Variants in ANKRD17 observed in about 807,000 individuals in gnomAD.
ANKRD17 encodes ankyrin repeat domain 17.
A neutral mutation model predicts 229.7 loss-of-function variants in ANKRD17; 19 were observed. That is an observed-to-expected ratio of 0.08 (90% CI 0.06 to 0.12). The LOEUF is 0.12. Ranked by LOEUF, ANKRD17 falls within the 10% of genes least tolerant of loss-of-function variation. ANKRD17 has a pLI of 1.00. For missense variants in ANKRD17, 2,176 were observed against 3,176.8 expected (o/e 0.68, Z 7.57); for synonymous variants, 1,112 against 1,146.1 (o/e 0.97, Z 0.60).
At chr4:73,137,967 TATTATATAAAAA>T (rs1397612305) in intron 15 of ANKRD17, among the ~76,000 whole-genome samples, 1 of 152,176 alleles carries the variant, frequency 6.6e-6, no homozygotes, top group Non-Finnish European at 1.5e-5. Flanking sequence ...TAAACTCTGA[TATTATATAAAAA>T]AAATTTTTTT....
chr4:73,083,194 A>G (rs1250365941), intron 30 of ANKRD17, among the ~76,000 whole-genome samples: 6 of 152,228 alleles, frequency 3.9e-5, no homozygotes, highest in Admixed American at 2.6e-4. Context: ...ATCAAATGCA[A>G]TATGTGAGCC....
Position 73,120,957 on chromosome 4 carries a change from A to G in ANKRD17, c.3773T>C (p.Leu1258Ser). ...IETNRNTALT[L>S]ACFQGRTEVV... ...TTCAGTTCTTCCTTGGAAGCAGGCT[A>G]AAGTAAGGGCAGTGTTCCGATTGGT... Residue 1258 changes from leucine to serine, a missense_variant, in exon 20 of 34, where the codon TTA (leucine) becomes TCA (serine). Physicochemically the swap from Leu to Ser is moderately radical, Grantham distance 145. Coordinates refer to ENST00000358602, the MANE Select transcript of ANKRD17 (RefSeq NM_032217.5). 1 of 1,613,622 alleles carries G rather than the reference A, an allele frequency of 6.2e-7. No individual in the cohort carries two copies. The highest frequency in any genetic ancestry group is 8.5e-7 in the Non-Finnish European group (1 of 1,179,838).
intron 12 of ANKRD17, 36 bp from the exon 13 acceptor site, chr4:73,142,421 AG>A (rs756936949): frequency 7.6e-6 from 12 of 1,582,688 alleles, no homozygotes; most frequent in Non-Finnish European, 1.0e-5. Context: ...AAAAAAGTGA[AG>A]AAAAATAAGT....
At chr4:73,129,402 A>G (rs776357550) in intron 16 of ANKRD17, among the ~76,000 whole-genome samples, 3 of 152,222 alleles carry the variant, frequency 2.0e-5, no homozygotes, top group African/African-American at 4.8e-5. Flanking sequence ...ATTCAGGTGA[A>G]AAAGCACTGA....
At chr4:73,101,973 C>T (rs1244569379) in intron 25 of ANKRD17, among the ~76,000 whole-genome samples, 2 of 152,086 alleles carry the variant, frequency 1.3e-5, no homozygotes, top group African/African-American at 4.8e-5. Flanking sequence ...CTCTGTCACC[C>T]AGGCTGGAGT....
intron 27 of ANKRD17, among the ~76,000 whole-genome samples, chr4:73,094,811 C>T (rs567062937): frequency 6.6e-6 from 1 of 151,886 alleles, no homozygotes; most frequent in East Asian, 1.9e-4. Context: ...TTCTTGTGGG[C>T]CCCTTTTGGT....
intron 1 of ANKRD17, among the ~76,000 whole-genome samples, chr4:73,180,474 C>A (rs1044062632): frequency 1.2e-4 from 19 of 152,244 alleles, no homozygotes; most frequent in Admixed American, 1.1e-3. Context: ...AGGAAAATTG[C>A]ATTTCCATCT....
intron 11 of ANKRD17, among the ~76,000 whole-genome samples, chr4:73,144,465 A>G (rs1484718952): frequency 6.6e-6 from 1 of 152,206 alleles, no homozygotes; most frequent in African/African-American, 2.4e-5. Context: ...AACACAGCAG[A>G]GTTTGTTACC....
intron 1 of ANKRD17, among the ~76,000 whole-genome samples, chr4:73,217,351 C>T (rs1227908853): frequency 6.6e-6 from 1 of 152,050 alleles, no homozygotes; most frequent in Non-Finnish European, 1.5e-5. Context: ...TACTACTTCC[C>T]CATTAATTCT....
At position 73,135,168 on chromosome 4, in the gene ANKRD17, G is replaced by A; in HGVS notation, c.3183C>T (p.Ile1061=). 1 of 1,613,920 alleles carries A rather than the reference G, an allele frequency of 6.2e-7. No individual in the cohort carries two copies. The highest frequency in any genetic ancestry group is 1.1e-5 in the South Asian group (1 of 91,076). ...AGATAGGAAGCATGGCTGAAGGAGA[G>A]ATGATAGGACTTGGAGTTGGAGTCT... is the stretch of plus-strand genomic sequence containing the variant. ...QPQTPTPSPI[I]SPSAMLPIYP... Residue 1061 remains isoleucine (I), a synonymous_variant, in exon 16 of 34, where the codon ATC becomes ATT. Coordinates refer to ENST00000358602, the MANE Select transcript of ANKRD17 (RefSeq NM_032217.5).
intron 11 of ANKRD17, among the ~76,000 whole-genome samples, chr4:73,142,999 G>A (rs377176775): frequency 3.6e-4 from 54 of 151,948 alleles, no homozygotes; most frequent in African/African-American, 1.3e-3. Context: ...AGACAAACAC[G>A]ATATAATTTG....
Position 73,146,873 on chromosome 4 carries a change from C to A in ANKRD17, c.1760G>T (p.Gly587Val). 2 of 1,607,878 alleles carry A rather than the reference C, an allele frequency of 1.2e-6. No individual in the cohort carries two copies. Among genetic ancestry groups the A allele is most frequent in the Non-Finnish European group, 1.7e-6 (2 of 1,175,674 alleles). Residue 587 changes from glycine (G) to valine (V), a missense_variant and splice_region_variant, in exon 10 of 34, where the codon GGA (glycine) becomes GTA (valine). Gly to Val is a moderately radical substitution (Grantham distance 109). This residue lies in a region of ANKRD17 where 275 missense variants were observed against 386.9 expected (regional missense o/e 0.71). Coordinates refer to ENST00000358602, the MANE Select transcript of ANKRD17 (RefSeq NM_032217.5). ...LELVKYLLAA[G>V]ANVHATTATG... ...TGCTGTTGTTGCATGAACGTTAGCTCCTGTAGTAGTCAACAAATAATACAT... is the reference window on the plus strand; with the variant it reads ...TGCTGTTGTTGCATGAACGTTAGCTACTGTAGTAGTCAACAAATAATACAT...
At chr4:73,246,785 ATTACATT>A (rs1744543056) in intron 1 of ANKRD17, among the ~76,000 whole-genome samples, 1 of 152,144 alleles carries the variant, frequency 6.6e-6, no homozygotes, top group Non-Finnish European at 1.5e-5. Flanking sequence ...GGAAGAGAGG[ATTACATT>A]TTAAGAAGCA....
rs978672654 is a variant in ANKRD17 at position 73,177,379 on chromosome 4, C to T, written c.547+1G>A. 1 of 1,606,290 alleles carries T rather than the reference C, an allele frequency of 6.2e-7. No homozygotes were observed. Among genetic ancestry groups the T allele is most frequent in the Non-Finnish European group, 8.5e-7 (1 of 1,175,004 alleles). ...GACTTATTACTATGTAGAGTACATA[C>T]CTGCAGCTTCTAGTAAAGCTTCCAG... On this transcript the variant is annotated splice_donor_variant, in intron 2 of 33. Transcript: ENST00000358602. LOFTEE classifies it high-confidence loss of function.
rs774295980 is a variant in ANKRD17 at position 73,177,436 on chromosome 4, A to G, written c.491T>C (p.Leu164Pro). ...CTGTGTTTCTGGATCTACTGTCCTGAGGTCTGCACCATCAGCAGTACCTGA... is the reference window on the plus strand; with the variant it reads ...CTGTGTTTCTGGATCTACTGTCCTGGGGTCTGCACCATCAGCAGTACCTGA... ...LLSGTADGAD[L>P]RTVDPETQAR... Residue 164 changes from leucine to proline, a missense_variant, in exon 2 of 34, where the codon CTC becomes CCC. Coordinates refer to ENST00000358602, the MANE Select transcript of ANKRD17 (RefSeq NM_032217.5). 1 of 1,613,558 alleles carries G rather than the reference A, an allele frequency of 6.2e-7. No individual in the cohort carries two copies. The highest frequency in any genetic ancestry group is 8.5e-7 in the Non-Finnish European group (1 of 1,179,604).
At chr4:73,211,692 C>G (rs1242882295) in intron 1 of ANKRD17, among the ~76,000 whole-genome samples, 1 of 151,640 alleles carries the variant, frequency 6.6e-6, no homozygotes, top group African/African-American at 2.4e-5. Context: ...ACTAAAAATA[C>G]AAAAATTAGC....
chr4:73,161,493 T>C (rs968025828), intron 2 of ANKRD17, 145 bp from the exon 3 acceptor site: 2 of 775,494 alleles, frequency 2.6e-6, no homozygotes, highest in African/African-American at 3.5e-5. Flanking sequence ...CCAGCATCTT[T>C]TGAGAAATCA....
intron 25 of ANKRD17, chr4:73,100,691 G>A (rs1723867393): frequency 4.0e-6 from 1 of 252,832 alleles, no homozygotes; most frequent in African/African-American, 2.3e-5. Flanking sequence ...CTCAAAAAAA[G>A]AGAAGACACA....
chr4:73,257,371 T>C lies in ANKRD17; in HGVS notation c.393+905A>G, dbSNP rs913036278. ...CGCCTGTCTGTGGACCCAGGAAAAA[T>C]TATAAAGTTATTATGAAACCAGATC... On this transcript the variant is annotated intron_variant, in intron 1 of 33. Transcript: ENST00000358602. Among the ~76,000 whole-genome samples the C allele has an allele frequency of 2.6e-5, 4 of 152,038 alleles. No individual in the cohort carries two copies. In the East Asian group the frequency reaches 7.7e-4, roughly 29 times the overall value.
Sources: gnomAD v4.1 joint callset for allele counts (sites outside exome capture counted in the v4.1 genomes callset) on GRCh38, gnomAD v4.1.1 for gene constraint, gnomAD v4.1.1 regional missense constraint, MANE v1.5 for transcripts, NCBI Gene and HGNC (gene_info 2026-07-23, HGNC 2026-07-21) for gene names.